SYNDIG1: variants seen among roughly 807,000 people sequenced by gnomAD.
The protein encoded by SYNDIG1 is synapse differentiation inducing 1, also known as synapse differentiation-inducing gene protein 1.
A neutral mutation model predicts 19.4 loss-of-function variants in SYNDIG1; 9 were observed. That is an observed-to-expected ratio of 0.46 (90% CI 0.28 to 0.81). The LOEUF (loss-of-function observed/expected upper bound fraction) is 0.81, where lower values mean the gene tolerates loss of function less well. SYNDIG1 is among the 30% of genes least tolerant of loss of function. The pLI is 0.12. For synonymous variants in SYNDIG1, 141 were observed against 145.9 expected (o/e 0.97, Z 0.24); for missense variants, 311 against 343.3 (o/e 0.91, Z 0.74).
At chr20:24,528,983 C>A (rs1316128321) in intron 1 of SYNDIG1, among the ~76,000 whole-genome samples, 1 of 152,112 alleles carries the variant, frequency 6.6e-6, no homozygotes, top group East Asian at 1.9e-4. Context: ...AGTGTGAGTG[C>A]AGGCTTGTGG....
intron 2 of SYNDIG1, among the ~76,000 whole-genome samples, chr20:24,584,065 CCTGTGCCCAG>C (rs1303719326): frequency 6.6e-6 from 1 of 152,136 alleles, no homozygotes; most frequent in Non-Finnish European, 1.5e-5. Flanking sequence ...AAAGTAAATT[CCTGTGCCCAG>C]CTTCACCCTG....
chr20:24,616,161 TATTG>T (rs1204129246), intron 3 of SYNDIG1, among the ~76,000 whole-genome samples: 3 of 152,230 alleles, frequency 2.0e-5, no homozygotes, highest in Non-Finnish European at 4.4e-5. Flanking sequence ...TATATTTCTA[TATTG>T]ATTATGATTT....
At chr20:24,591,653 G>C (rs1035942380) in intron 3 of SYNDIG1, among the ~76,000 whole-genome samples, 2 of 152,146 alleles carry the variant, frequency 1.3e-5, no homozygotes, top group African/African-American at 4.8e-5. Context: ...TGGGGGGACA[G>C]TTAGGGGAGC....
intron 3 of SYNDIG1, among the ~76,000 whole-genome samples, chr20:24,663,164 T>C (rs2059618559): frequency 1.3e-5 from 2 of 152,224 alleles, no homozygotes; most frequent in Admixed American, 6.5e-5. Flanking sequence ...CTGGCTTCTA[T>C]GACACGCAGA....
At chr20:24,601,652 T>C (rs556006536) in intron 3 of SYNDIG1, among the ~76,000 whole-genome samples, 1 of 152,286 alleles carries the variant, frequency 6.6e-6, no homozygotes, top group East Asian at 1.9e-4. Context: ...GATGGATGGA[T>C]AGACAGACAG....
intron 1 of SYNDIG1, among the ~76,000 whole-genome samples, chr20:24,504,663 C>T (rs1238530765): frequency 6.6e-6 from 1 of 152,184 alleles, no homozygotes; most frequent in African/African-American, 2.4e-5. Flanking sequence ...AAATCTGTAG[C>T]TCATGAAGAA....
At chr20:24,544,123 C>T (rs114864114) in intron 2 of SYNDIG1, among the ~76,000 whole-genome samples, 93 of 152,268 alleles carry the variant, frequency 6.1e-4, no homozygotes, top group African/African-American at 2.1e-3. Context: ...AGATGACTCG[C>T]TTCTTTAATG....
At chr20:24,579,287 G>C (rs2146988632) in intron 2 of SYNDIG1, among the ~76,000 whole-genome samples, 1 of 152,318 alleles carries the variant, frequency 6.6e-6, no homozygotes, top group Admixed American at 6.5e-5. Context: ...GATGGTGTCT[G>C]TTAAAATGAC....
chr20:24,592,296 C>T (rs886590752), intron 3 of SYNDIG1, among the ~76,000 whole-genome samples: 1 of 152,192 alleles, frequency 6.6e-6, no homozygotes, highest in African/African-American at 2.4e-5. Context: ...ACGACACCAT[C>T]ATTGTTCCAG....
chr20:24,590,277 C>T (rs1452973346), intron 3 of SYNDIG1, among the ~76,000 whole-genome samples: 3 of 147,128 alleles, frequency 2.0e-5, no homozygotes, highest in East Asian at 4.0e-4. Flanking sequence ...GTGGGGCCGG[C>T]GCGGCGGGGC....
In SYNDIG1 at chr20:24,469,685, A is replaced by ACGCT. The variant is rs376197913; in HGVS notation, c.-136_-133dup. 5.1e-4 allele frequency: 78 copies of ACGCT among 151,984 alleles called. No homozygotes were observed. Among genetic ancestry groups the ACGCT allele is most frequent in the African/African-American group, 1.8e-3 (73 of 41,438 alleles). 9.4% of individuals were successfully genotyped at this position (151,984 alleles called of 1,614,324 possible). A position where few individuals can be genotyped will look rare whatever the true frequency, so the allele number is the denominator to read the frequency against. On this transcript the variant is annotated 5_prime_UTR_variant, in exon 1 of 4. Coordinates refer to ENST00000376862, the MANE Select transcript of SYNDIG1 (RefSeq NM_024893.3). Reference sequence around the variant, plus strand: ...AGAGGCGGGCGCCGCACCGCCCCGCACGCTCGCTCGCTCGGGAGAGTCGCG... The same window carrying ACGCT: ...AGAGGCGGGCGCCGCACCGCCCCGCACGCTCGCTCGCTCGCTCGGGAGAGTCGCG...
intron 1 of SYNDIG1, among the ~76,000 whole-genome samples, chr20:24,480,368 T>G (rs1568570574): frequency 6.6e-6 from 1 of 152,260 alleles, no homozygotes; most frequent in Non-Finnish European, 1.5e-5. Context: ...TAAATTTTTT[T>G]CAGTGAAGAA....
chr20:24,624,045 G>T (rs567301937), intron 3 of SYNDIG1, among the ~76,000 whole-genome samples: 2 of 152,234 alleles, frequency 1.3e-5, no homozygotes, highest in African/African-American at 4.8e-5. Context: ...GACGAATCAC[G>T]AAGTCAGGAG....
chr20:24,578,246 C>G (rs535938995), intron 2 of SYNDIG1, among the ~76,000 whole-genome samples: 17 of 152,178 alleles, frequency 1.1e-4, no homozygotes, highest in African/African-American at 4.1e-4. Flanking sequence ...AGTTCGAGAC[C>G]AGCCTGGCTA....
At chr20:24,598,689 G>A (rs2147111229) in intron 3 of SYNDIG1, among the ~76,000 whole-genome samples, 1 of 152,308 alleles carries the variant, frequency 6.6e-6, no homozygotes, top group East Asian at 1.9e-4. Flanking sequence ...CAGTTTAACA[G>A]TGCTTGGTTT....
At position 24,543,106 on chromosome 20, in the gene SYNDIG1, C is replaced by T; in HGVS notation, c.9C>T (p.Gly3=). MD[G]IIEQKSMLVH... ...GCCAGGGAGAGAGTACCATGGATGG[C>T]ATCATTGAACAGAAGAGCATGCTGG... The change falls in exon 2 of 4, where the codon GGC becomes GGT. Residue 3 remains glycine (G), a synonymous_variant. Coordinates refer to ENST00000376862, the MANE Select transcript of SYNDIG1 (RefSeq NM_024893.3). The T allele has an allele frequency of 6.2e-7, 1 of 1,613,012 alleles. No homozygotes were observed. The highest frequency in any genetic ancestry group is 8.5e-7 in the Non-Finnish European group (1 of 1,179,100).
At position 24,658,809 on chromosome 20, in the gene SYNDIG1, T is replaced by A. The variant is rs2059555761; in HGVS notation, c.619-6537T>A. 6.6e-6 allele frequency among the ~76,000 whole-genome samples: 1 copy of A among 152,184 alleles called. No homozygotes were observed. Among genetic ancestry groups the A allele is most frequent in the Non-Finnish European group, 1.5e-5 (1 of 68,022 alleles). ...GCCTCGTTTTCTCCCAGATCCATGC[T>A]GTCCAGTGTGGGACCCCCAGCCATG... is the stretch of plus-strand genomic sequence containing the variant. On this transcript the variant is annotated intron_variant, in intron 3 of 3. Coordinates refer to ENST00000376862, the MANE Select transcript of SYNDIG1 (RefSeq NM_024893.3). The surrounding 1 kb of genome is among the most constrained non-coding windows in gnomAD (Gnocchi z 4.4).
At chr20:24,616,969 T>C (rs1232393737) in intron 3 of SYNDIG1, among the ~76,000 whole-genome samples, 1 of 152,126 alleles carries the variant, frequency 6.6e-6, no homozygotes, top group East Asian at 1.9e-4. Flanking sequence ...CTTCAGGGTG[T>C]GGGCCAAGGA....
chr20:24,585,552 CT>C (rs1306642426), intron 3 of SYNDIG1, among the ~76,000 whole-genome samples: 1 of 152,194 alleles, frequency 6.6e-6, no homozygotes, highest in East Asian at 1.9e-4. Flanking sequence ...CAGCATAAGG[CT>C]TCTAAAGGTT....
Sources: allele counts gnomAD v4.1 joint callset (sites outside exome capture counted in the v4.1 genomes callset), GRCh38; gene constraint gnomAD v4.1.1; non-coding constraint Gnocchi (gnomAD v3.1); transcripts MANE v1.5; gene names NCBI Gene and HGNC (gene_info 2026-07-23, HGNC 2026-07-21).